Variants in ARVCF observed in about 807,000 individuals in gnomAD.
The protein encoded by ARVCF is splicing regulator ARVCF.
In ARVCF, 66 loss-of-function variants were observed where a neutral mutation model predicts 90.9. The observed-to-expected ratio is 0.73, with a 90% CI of 0.60 to 0.89. The LOEUF (loss-of-function observed/expected upper bound fraction) is 0.89. Ranked by LOEUF, ARVCF falls within the 40% of genes least tolerant of loss-of-function variation. The pLI, the probability that ARVCF is intolerant of heterozygous loss-of-function variation, is 0.00. For synonymous variants in ARVCF, 653 were observed against 603.4 expected, an observed-to-expected ratio of 1.08 and a Z score of -1.21; for missense variants, 1,469 against 1,382.3, an observed-to-expected ratio of 1.06 and a Z score of -1.00.
chr22:20,012,595 G>A (rs1314421456), intron 1 of ARVCF, among the ~76,000 whole-genome samples: 1 of 152,246 alleles, frequency 6.6e-6, no homozygotes, highest in African/African-American at 2.4e-5. Context: ...GAATGACCAC[G>A]CCCTTTATTG....
rs16982871 is a variant in ARVCF at position 19,978,040 on chromosome 22, C to T, written c.1616G>A (p.Arg539Gln). The change falls in exon 8 of 20, where the codon CGA becomes CAA. Residue 539 changes from arginine to glutamine, a missense_variant. Arg to Gln is a conservative substitution (Grantham distance 43). Transcript: ENST00000263207. Reference protein sequence around the residue: ...VSSDGAEARRRLRECEGLVDA... With the variant: ...VSSDGAEARRQLRECEGLVDA... ...CACCAGCCCTTCACACTCCCGGAGT[C>T]GCCGCCGGGCCTCAGCACCATCGGA... The T allele has an allele frequency of 9.6e-3, 15,466 of 1,611,380 alleles. 88 individuals carry two copies. The highest frequency in any genetic ancestry group is 0.012 in the Non-Finnish European group (13,935 of 1,179,192).
At chr22:19,987,064 C>T (rs1231162031) in intron 3 of ARVCF, 2 of 637,220 alleles carry the variant, frequency 3.1e-6, no homozygotes, top group Non-Finnish European at 5.7e-6. Context: ...AAGCCAACTT[C>T]CCTCCAACCT....
At chr22:20,013,896 G>A (rs1013876126) in intron 1 of ARVCF, among the ~76,000 whole-genome samples, 9 of 151,734 alleles carry the variant, frequency 5.9e-5, no homozygotes, top group East Asian at 1.9e-4. Context: ...TTTTTGAGAC[G>A]GAGTCTCACC....
rs1437694728 is a variant in ARVCF at position 19,981,323 on chromosome 22, C to T, written c.784G>A (p.Glu262Lys). Residue 262 changes from glutamate (E) to lysine (K), a missense_variant, in exon 5 of 20, where the codon GAG becomes AAG. By Grantham distance (56) the Glu-to-Lys change is moderately conservative. Transcript: ENST00000263207. Reference protein sequence around the residue: ...ERFQAEPYGLEDDTRSLAADD... With the variant: ...ERFQAEPYGLKDDTRSLAADD... ...GCGGCCAGGCTGCGCGTGTCATCCT[C>T]CAAGCCATACGGCTCTGCCTGGAAG... 2 of 1,603,156 alleles carry T rather than the reference C, an allele frequency of 1.2e-6. No homozygotes were observed. The highest frequency in any genetic ancestry group is 8.5e-7 in the Non-Finnish European group (1 of 1,175,974).
At chr22:19,993,817 T>C (rs192852658) in intron 2 of ARVCF, among the ~76,000 whole-genome samples, 82 of 152,218 alleles carry the variant, frequency 5.4e-4, no homozygotes, top group African/African-American at 1.9e-3. Context: ...GCTGGAAAGG[T>C]CGGGGCTAAA....
chr22:19,976,261 C>T (rs1446423774), intron 10 of ARVCF, among the ~76,000 whole-genome samples: 2 of 152,176 alleles, frequency 1.3e-5, no homozygotes, highest in South Asian at 4.1e-4. Context: ...ATTTGTGTAG[C>T]CCTGGCTTGC....
chr22:19,967,574 A>C, downstream of ARVCF: 1 of 366,094 alleles, frequency 2.7e-6, no homozygotes, highest in Non-Finnish European at 5.4e-6. Context: ...GCCACCCACC[A>C]CCAGGACAGC....
Position 19,970,157 on chromosome 22 carries a change from G to C in ARVCF, c.*599C>G, listed in dbSNP as rs769851457. Reference sequence around the variant, plus strand: ...GCTCTCTACTGCACAGGGGCCTCACGTGACTGCAGGGCTCTGGGGAGGTGG... The same window carrying C: ...GCTCTCTACTGCACAGGGGCCTCACCTGACTGCAGGGCTCTGGGGAGGTGG... On this transcript the variant is annotated 3_prime_UTR_variant, in exon 20 of 20. Coordinates refer to ENST00000263207, the MANE Select transcript of ARVCF (RefSeq NM_001670.3). 1 of 986,476 alleles carries C rather than the reference G, an allele frequency of 1.0e-6. No individual in the cohort carries two copies. The highest frequency in any genetic ancestry group is 6.1e-5 in the Admixed American group (1 of 16,492). The allele number at this position is 986,476 out of a possible 1,614,324, so 61.1% of individuals were successfully genotyped here. A position where few individuals can be genotyped will look rare whatever the true frequency, so the allele number is the denominator to read the frequency against.
intron 2 of ARVCF, among the ~76,000 whole-genome samples, chr22:20,001,597 A>G (rs1313871344): frequency 1.3e-5 from 2 of 152,160 alleles, no homozygotes; most frequent in African/African-American, 4.8e-5. Flanking sequence ...TGAGGTTGGG[A>G]GTTCGAGACC....
At position 19,991,655 on chromosome 22, in the gene ARVCF, C is replaced by G. The variant is rs1360209429; in HGVS notation, c.-18-843G>C. On this transcript the variant is annotated intron_variant, in intron 2 of 19. Coordinates refer to ENST00000263207, the MANE Select transcript of ARVCF (RefSeq NM_001670.3). ...GTTGCCCCTCAGGGCCCCAGAGCCC[C>G]AGGGGAGCAGGCGGGGGCCATGAGG... is the stretch of plus-strand genomic sequence containing the variant. Among the ~76,000 whole-genome samples, 4 of 152,244 alleles carry G rather than the reference C, an allele frequency of 2.6e-5. No homozygotes were observed. The South Asian group carries it at 6.2e-4, about 24-fold the overall frequency.
At chr22:19,966,413 A>G (rs1942393828), downstream of ARVCF, among the ~76,000 whole-genome samples, 1 of 150,360 alleles carries the variant, frequency 6.7e-6, no homozygotes, top group South Asian at 2.1e-4. Context: ...CCATGCCCAA[A>G]GGAAGAGGAA....
intron 2 of ARVCF, among the ~76,000 whole-genome samples, chr22:19,998,552 GAGGCCA>G (rs1944336223): frequency 6.6e-6 from 1 of 152,190 alleles, no homozygotes; most frequent in African/African-American, 2.4e-5. Context: ...GACAGCCCAG[GAGGCCA>G]GGCTGAGGCT....
At chr22:19,982,361 C>G (rs532633222) in intron 3 of ARVCF, among the ~76,000 whole-genome samples, 2 of 152,316 alleles carry the variant, frequency 1.3e-5, no homozygotes, top group South Asian at 4.1e-4. Flanking sequence ...CATCTCAGGT[C>G]TCCTCAGGCT....
At chr22:20,002,105 C>T (rs1274516162) in intron 2 of ARVCF, among the ~76,000 whole-genome samples, 4 of 152,212 alleles carry the variant, frequency 2.6e-5, no homozygotes, top group Non-Finnish European at 2.9e-5. Flanking sequence ...AACAGGAGTA[C>T]GTCCAACGGG....
chr22:19,975,979 C>T (rs1166266216), intron 10 of ARVCF, among the ~76,000 whole-genome samples: 1 of 152,106 alleles, frequency 6.6e-6, no homozygotes, highest in African/African-American at 2.4e-5. Flanking sequence ...CCCAGCCCTG[C>T]CCCTAGGACT....
intron 1 of ARVCF, among the ~76,000 whole-genome samples, 200 bp from the exon 2 acceptor site, chr22:20,010,708 AC>A (rs1246352500): frequency 5.3e-5 from 8 of 152,200 alleles, no homozygotes; most frequent in African/African-American, 1.9e-4. Flanking sequence ...TGTAGGTGAC[AC>A]TGGGCTGCCA....
chr22:19,968,332 G>A (rs569976315), downstream of ARVCF, among the ~76,000 whole-genome samples: 7 of 152,286 alleles, frequency 4.6e-5, no homozygotes, highest in Non-Finnish European at 7.4e-5. Context: ...CTGTCCTCAC[G>A]GGGCCCATGT....
In ARVCF at chr22:19,971,875, T is replaced by C. The variant is rs1942821566; in HGVS notation, c.2781+11A>G. On this transcript the variant is annotated intron_variant, in intron 18 of 19. Coordinates refer to ENST00000263207, the MANE Select transcript of ARVCF (RefSeq NM_001670.3). Reference sequence around the variant, plus strand: ...CACCGGGGACCTGCCCACAGCCACATGACCACTTACTTTCAAGGGTTCCTT... The same window carrying C: ...CACCGGGGACCTGCCCACAGCCACACGACCACTTACTTTCAAGGGTTCCTT... The C allele has an allele frequency of 1.9e-6, 3 of 1,613,262 alleles. No individual in the cohort carries two copies. Among genetic ancestry groups the C allele is most frequent in the Non-Finnish European group, 2.5e-6 (3 of 1,179,848 alleles).
rs1295831389 is a variant in ARVCF, at chr22:19,980,086, C to G, written c.1053G>C (p.Lys351Asn). 6.3e-7 allele frequency: 1 copy of G among 1,582,836 alleles called. No homozygotes were observed. Among genetic ancestry groups the G allele is most frequent in the Non-Finnish European group, 8.6e-7 (1 of 1,166,242 alleles). Residue 351 changes from lysine (K) to asparagine (N), a missense_variant, in exon 6 of 20, where the codon AAG becomes AAC. Transcript: ENST00000263207. ...GCTCAGGGTCCCGCCAGCGCGGCTC[C>G]TTGCGGGCGCTATCCACTGAGGGCG... Reference protein sequence around the residue: ...RRSPSVDSARKEPRWRDPELP... With the variant: ...RRSPSVDSARNEPRWRDPELP...
Sources: gnomAD v4.1 joint callset for allele counts (sites outside exome capture counted in the v4.1 genomes callset) on GRCh38, gnomAD v4.1.1 for gene constraint, MANE v1.5 for transcripts, NCBI Gene and HGNC (gene_info 2026-07-23, HGNC 2026-07-21) for gene names.